The following THSD7B variants were observed in gnomAD, a reference collection of about 807,000 sequenced individuals.
The protein encoded by THSD7B is thrombospondin type-1 domain-containing protein 7B.
THSD7B carries 138 observed loss-of-function variants against 213.6 expected under a neutral mutation model. The ratio of observed to expected loss-of-function variants is 0.65; its 90% CI spans 0.56 to 0.74. THSD7B has a LOEUF of 0.74. Among genes scored for constraint, THSD7B ranks in the 30% least tolerant of loss-of-function variants. The pLI is 0.00. For synonymous variants in THSD7B, 742 were observed against 687.0 expected (o/e 1.08, Z -1.25); for missense variants, 1,931 against 1,991.5 (o/e 0.97, Z 0.58).
At chr2:136,874,416 T>C (rs989715158) in intron 1 of THSD7B, among the ~76,000 whole-genome samples, 8 of 152,192 alleles carry the variant, frequency 5.3e-5, no homozygotes, top group African/African-American at 1.9e-4. Context: ...AGTCAGACAA[T>C]AGCCCCGTTG....
At chr2:136,908,548 G>A (rs1684206105) in intron 2 of THSD7B, among the ~76,000 whole-genome samples, 1 of 152,186 alleles carries the variant, frequency 6.6e-6, no homozygotes, top group South Asian at 2.1e-4. Flanking sequence ...AGGTAATCTG[G>A]AGTCTAATTT....
intron 12 of THSD7B, among the ~76,000 whole-genome samples, chr2:137,377,333 G>A (rs1219434029): frequency 6.6e-6 from 1 of 152,096 alleles, no homozygotes; most frequent in Non-Finnish European, 1.5e-5. Context: ...ACAAAATTTT[G>A]AAGGTCATAA....
intron 2 of THSD7B, among the ~76,000 whole-genome samples, chr2:137,048,319 T>C (rs906090121): frequency 1.3e-5 from 2 of 152,108 alleles, no homozygotes; most frequent in African/African-American, 4.8e-5. Context: ...AGTCTCACAG[T>C]CTTAAAATTG....
At chr2:137,389,768 A>G (rs371013277) in intron 12 of THSD7B, among the ~76,000 whole-genome samples, 4 of 152,022 alleles carry the variant, frequency 2.6e-5, no homozygotes, top group African/African-American at 9.6e-5. Context: ...CACAATGTCT[A>G]TTTTTATTCA....
At position 137,411,790 on chromosome 2, in the gene THSD7B, T is replaced by G. The variant is rs1333848894; in HGVS notation, c.2877T>G (p.Cys959Trp). ...GGGTACAAGCAGACAGCAAAGAATG[T>G]GGAGAAGGCCTGCGCTTTCGAGCAG... ...GLRVQADSKE[C>W]GEGLRFRAVA... is the part of the protein sequence containing the mutation. The change falls in exon 14 of 28, where the codon TGT becomes TGG. Residue 959 changes from cysteine to tryptophan, a missense_variant. By Grantham distance (215) the Cys-to-Trp change is radical. Transcript: ENST00000409968. The G allele has an allele frequency of 2.5e-6, 4 of 1,613,808 alleles. No homozygotes were observed. Among genetic ancestry groups the G allele is most frequent in the Admixed American group, 3.3e-5 (2 of 59,992 alleles).
At chr2:137,122,337 A>G (rs185136344) in intron 5 of THSD7B, among the ~76,000 whole-genome samples, 1 of 151,998 alleles carries the variant, frequency 6.6e-6, no homozygotes, top group African/African-American at 2.4e-5. Flanking sequence ...TTAGGTAAGA[A>G]GAGATTAAAC....
intron 12 of THSD7B, among the ~76,000 whole-genome samples, chr2:137,331,505 C>T (rs990960021): frequency 6.6e-6 from 1 of 152,226 alleles, no homozygotes; most frequent in African/African-American, 2.4e-5. Context: ...CATAAAGGTT[C>T]TCCACGTCCC....
Position 137,616,215 on chromosome 2 carries a change from T to A in THSD7B, c.3464T>A (p.Leu1155Gln). ...ACAATGCAGAGAAGAACTCGCCACC[T>A]GCTAAGACCATCACTGAACTCAAGG... Reference protein sequence around the residue: ...PHTMQRRTRHLLRPSLNSRTC... With the variant: ...PHTMQRRTRHQLRPSLNSRTC... Residue 1155 changes from leucine to glutamine, a missense_variant, in exon 18 of 28, where the codon CTG becomes CAG. Transcript: ENST00000409968. The A allele has an allele frequency of 6.2e-7, 1 of 1,613,848 alleles. No individual in the cohort carries two copies. Among genetic ancestry groups the A allele is most frequent in the Non-Finnish European group, 8.5e-7 (1 of 1,179,774 alleles).
At chr2:137,377,885 G>A (rs1348330452) in intron 12 of THSD7B, among the ~76,000 whole-genome samples, 2 of 151,988 alleles carry the variant, frequency 1.3e-5, no homozygotes, top group South Asian at 2.1e-4. Flanking sequence ...TCAGCCTCCC[G>A]AAGTGCTGAA....
At chr2:137,029,084 T>TC (rs1686610322) in intron 2 of THSD7B, among the ~76,000 whole-genome samples, 1 of 149,426 alleles carries the variant, frequency 6.7e-6, no homozygotes, top group African/African-American at 2.5e-5. Flanking sequence ...TAAGCTTTTT[T>TC]TTTTTTTTTT....
intron 1 of THSD7B, among the ~76,000 whole-genome samples, chr2:136,879,424 G>T (rs890619623): frequency 7.9e-5 from 12 of 152,084 alleles, no homozygotes; most frequent in Admixed American, 7.9e-4. Flanking sequence ...CCACATGAAC[G>T]TTAAAGTAGT....
In THSD7B at chr2:137,288,792, AAT is replaced by A. The variant is rs145513737; in HGVS notation, c.2500+12785_2500+12786del. ...CAAGAATAAGTATTTCTAGAAACATAATATATATATATATATATATTAGAATC... is the reference window on the plus strand; with the variant it reads ...CAAGAATAAGTATTTCTAGAAACATAATATATATATATATATATTAGAATC... On this transcript the variant is annotated intron_variant, in intron 12 of 27. Coordinates refer to ENST00000409968, the MANE Select transcript of THSD7B (RefSeq NM_001316349.2). Among the ~76,000 whole-genome samples the A allele has an allele frequency of 9.3e-3, 1,358 of 145,274 alleles. 22 individuals carry two copies. Among genetic ancestry groups the A allele is most frequent in the African/African-American group, 0.031 (1,244 of 40,544 alleles).
At chr2:136,933,634 C>CT (rs558994881) in intron 2 of THSD7B, among the ~76,000 whole-genome samples, 10 of 151,774 alleles carry the variant, frequency 6.6e-5, no homozygotes, top group East Asian at 1.9e-4. Context: ...CTCCAACTGG[C>CT]TTTTTTTTAT....
At chr2:137,516,344 T>C (rs1372722435) in intron 15 of THSD7B, among the ~76,000 whole-genome samples, 3 of 152,214 alleles carry the variant, frequency 2.0e-5, no homozygotes, top group Non-Finnish European at 2.9e-5. Flanking sequence ...CCAGTTTACA[T>C]ATCCAGAACT....
At chr2:137,305,462 C>A (rs1242511877) in intron 12 of THSD7B, among the ~76,000 whole-genome samples, 1 of 152,084 alleles carries the variant, frequency 6.6e-6, no homozygotes. Context: ...TGAATTGAAA[C>A]TCATGTCCAT....
At chr2:137,541,308 A>G (rs1584436) in intron 15 of THSD7B, among the ~76,000 whole-genome samples, 88,127 of 151,484 alleles carry the variant, frequency 0.58, 26,855 homozygotes, top group African/African-American at 0.77. Context: ...ACACATGGAA[A>G]AAAAAAAATA....
chr2:137,598,103 T>C (rs1681998167), intron 17 of THSD7B, among the ~76,000 whole-genome samples: 1 of 152,116 alleles, frequency 6.6e-6, no homozygotes, highest in Admixed American at 6.6e-5. Context: ...TCTTTCCTCT[T>C]CACCCCACTC....
chr2:136,948,587 G>T lies in THSD7B; in HGVS notation c.139+66270G>T. 1.3e-5 allele frequency among the ~76,000 whole-genome samples: 2 copies of T among 152,112 alleles called. 1 individual carries two copies. On this transcript the variant is annotated intron_variant, in intron 2 of 27. Coordinates refer to ENST00000409968, the MANE Select transcript of THSD7B (RefSeq NM_001316349.2). ...GTGACATTCGGGAAGTTTACTAACG[G>T]TATTTGTATGATATGTATAAGAATG...
intron 20 of THSD7B, 51 bp downstream of exon 20, chr2:137,620,777 A>G (rs1374192743): frequency 1.4e-6 from 2 of 1,446,502 alleles, no homozygotes; most frequent in East Asian, 2.3e-5. Context: ...TCTAAATATC[A>G]TTCAGTATGC....
Sources: gnomAD v4.1 joint callset for allele counts (sites outside exome capture counted in the v4.1 genomes callset) on GRCh38, gnomAD v4.1.1 for gene constraint, MANE v1.5 for transcripts, NCBI Gene and HGNC (gene_info 2026-07-23, HGNC 2026-07-21) for gene names.